The following WNT2 variants were observed in gnomAD, a reference collection of about 807,000 sequenced individuals.
WNT2 encodes protein Wnt-2.
A neutral mutation model predicts 36.9 loss-of-function variants in WNT2; 12 were observed. That is an observed-to-expected ratio of 0.33 (90% CI 0.21 to 0.53). The LOEUF (loss-of-function observed/expected upper bound fraction) is 0.53. Among genes scored for constraint, WNT2 ranks in the 20% least tolerant of loss-of-function variants. The pLI is 0.95. For missense variants in WNT2, 379 were observed against 473.1 expected (o/e 0.80, Z 1.84); for synonymous variants, 163 against 174.6 (o/e 0.93, Z 0.52).
rs1265725977 is a variant in WNT2, at chr7:117,284,517, G to A, written c.854-6133C>T. Among the ~76,000 whole-genome samples, 1 of 152,176 alleles carries A rather than the reference G, an allele frequency of 6.6e-6. No individual in the cohort carries two copies. The highest frequency in any genetic ancestry group is 6.5e-5 in the Admixed American group (1 of 15,280). On this transcript the variant is annotated intron_variant, in intron 4 of 4. Transcript: ENST00000265441. The surrounding 1 kb of genome is among the most constrained non-coding windows in gnomAD (Gnocchi z 5.2). ...ACTCACCCTTGCTTGGGCCACAACA[G>A]GAACCACTGGGGAGACAAACCCAGC...
chr7:117,281,696 T>C (rs1466496415), intron 4 of WNT2, among the ~76,000 whole-genome samples: 1 of 151,788 alleles, frequency 6.6e-6, no homozygotes, highest in Non-Finnish European at 1.5e-5. Context: ...AGACAAGAGA[T>C]ATTGCGTGAA....
chr7:117,323,035 G>A lies in WNT2; in HGVS notation c.-46C>T. 1.3e-6 allele frequency: 2 copies of A among 1,539,930 alleles called. No homozygotes were observed. Among genetic ancestry groups the A allele is most frequent in the Non-Finnish European group, 8.8e-7 (1 of 1,136,386 alleles). On this transcript the variant is annotated 5_prime_UTR_variant, in exon 1 of 5. Transcript: ENST00000265441. ...ATCAGGTCAGACTCCGTGTGCGGGC[G>A]CCATGCGTGCCCAGAGCAGAAGCGC...
Position 117,278,189 on chromosome 7 carries a change from G to A in WNT2, c.1049C>T (p.Ala350Val). 1 of 1,614,210 alleles carries A rather than the reference G, an allele frequency of 6.2e-7. No individual in the cohort carries two copies. Residue 350 changes from alanine to valine, a missense_variant, in exon 5 of 5, where the codon GCC (alanine) becomes GTC (valine). Transcript: ENST00000265441. ...LEALDVHTCK[A>V]PKNADWTTAT ...GGTTGTCCAGTCAGCGTTCTTGGGG[G>A]CCTTGCATGTGTGCACATCCAGAGC...
At chr7:117,279,786 A>T (rs1794448063) in intron 4 of WNT2, among the ~76,000 whole-genome samples, 1 of 152,150 alleles carries the variant, frequency 6.6e-6, no homozygotes, top group African/African-American at 2.4e-5. Flanking sequence ...CACCTAATTG[A>T]TAAACCTAGA....
At chr7:117,321,897 C>A (rs1562833394) in intron 1 of WNT2, among the ~76,000 whole-genome samples, 1 of 152,220 alleles carries the variant, frequency 6.6e-6, no homozygotes, top group South Asian at 2.1e-4. Context: ...TTCCCATCAG[C>A]GCATTGCCTT....
chr7:117,290,096 T>A (rs1363643348), intron 4 of WNT2, among the ~76,000 whole-genome samples: 2 of 152,072 alleles, frequency 1.3e-5, no homozygotes, highest in Non-Finnish European at 2.9e-5. Context: ...TTGTATGAAA[T>A]CTGGGTGAAG....
chr7:117,310,780 A>G (rs1795107090), intron 3 of WNT2, among the ~76,000 whole-genome samples: 1 of 152,044 alleles, frequency 6.6e-6, no homozygotes, highest in South Asian at 2.1e-4. Context: ...AGTGCTTTCC[A>G]TATCTCAACC....
At chr7:117,283,265 A>G (rs1458837733) in intron 4 of WNT2, among the ~76,000 whole-genome samples, 1 of 152,142 alleles carries the variant, frequency 6.6e-6, no homozygotes, top group Non-Finnish European at 1.5e-5. Flanking sequence ...GGGTGTGAAA[A>G]GTGCTCTCAC....
At chr7:117,289,253 T>A (rs1212431868) in intron 4 of WNT2, among the ~76,000 whole-genome samples, 1 of 151,768 alleles carries the variant, frequency 6.6e-6, no homozygotes, top group African/African-American at 2.4e-5. Flanking sequence ...AGAGACGGGG[T>A]TTCCCCGTGT....
rs1229636679 is a variant in WNT2 at position 117,278,233 on chromosome 7, G to A, written c.1005C>T (p.Arg335=). Residue 335 remains arginine (R), a synonymous_variant, in exon 5 of 5, where the codon CGC becomes CGT. Coordinates refer to ENST00000265441, the MANE Select transcript of WNT2 (RefSeq NM_003391.3). ...CCAGAGCTTCCAGGCAGTCCTGACA[G>A]CGCACGGCGCAGCACCAGTGGAACT... ...GCKFHWCCAV[R]CQDCLEALDV... 1 of 1,614,244 alleles carries A rather than the reference G, an allele frequency of 6.2e-7. No homozygotes were observed. The highest frequency in any genetic ancestry group is 1.3e-5 in the African/African-American group (1 of 75,068).
intron 4 of WNT2, among the ~76,000 whole-genome samples, chr7:117,283,984 G>A (rs954689873): frequency 1.3e-5 from 2 of 152,096 alleles, no homozygotes; most frequent in African/African-American, 4.8e-5. Context: ...ACCAAGGAAT[G>A]GGCCAACTGG....
intron 2 of WNT2, among the ~76,000 whole-genome samples, chr7:117,318,001 C>T (rs1162872863): frequency 6.6e-6 from 1 of 152,098 alleles, no homozygotes; most frequent in African/African-American, 2.4e-5. Context: ...CTAGTTCTGT[C>T]CTTGTTTCTC....
At chr7:117,294,035 A>C (rs1324929469) in intron 4 of WNT2, among the ~76,000 whole-genome samples, 2 of 152,182 alleles carry the variant, frequency 1.3e-5, no homozygotes, top group Admixed American at 6.5e-5. Context: ...TTCTAGTAGA[A>C]AGTGGCCAGG....
Position 117,320,743 on chromosome 7 carries a change from G to GGCATATTATC in WNT2, c.133_134insGATAATATGC (p.Pro45ArgfsTer2). 1 of 1,613,692 alleles carries GGCATATTATC rather than the reference G, an allele frequency of 6.2e-7. No homozygotes were observed. Among genetic ancestry groups the GGCATATTATC allele is most frequent in the Non-Finnish European group, 8.5e-7 (1 of 1,179,968 alleles). On this transcript the variant is annotated stop_gained and frameshift_variant, in exon 2 of 5. Coordinates refer to ENST00000265441, the MANE Select transcript of WNT2 (RefSeq NM_003391.3). LOFTEE classifies it high-confidence loss of function. ...CTGCCGCTGGCTGCTCACCAGGCCT[G>GGCATATTATC]GCACATTATCGCACATCACCCTGGA... is the stretch of plus-strand genomic sequence containing the variant.
intron 3 of WNT2, among the ~76,000 whole-genome samples, chr7:117,314,039 C>A (rs1425444640): frequency 6.6e-6 from 1 of 152,162 alleles, no homozygotes; most frequent in Non-Finnish European, 1.5e-5. Flanking sequence ...TAAAGCCCCC[C>A]CAGGGACCTT....
At chr7:117,315,619 G>A (rs1348628198) in intron 2 of WNT2, among the ~76,000 whole-genome samples, 1 of 152,196 alleles carries the variant, frequency 6.6e-6, no homozygotes, top group Non-Finnish European at 1.5e-5. Context: ...GCCTTGCCCA[G>A]CTCCTGGCTT....
chr7:117,285,442 T>C (rs936247220), intron 4 of WNT2, among the ~76,000 whole-genome samples: 1 of 152,346 alleles, frequency 6.6e-6, no homozygotes, highest in African/African-American at 2.4e-5. Flanking sequence ...ATAGCATCAA[T>C]TTGTATCTCA....
chr7:117,289,560 T>C (rs1160317520), intron 4 of WNT2, among the ~76,000 whole-genome samples: 3 of 152,206 alleles, frequency 2.0e-5, no homozygotes. Flanking sequence ...GGAACCAAGT[T>C]ATCTTTAAGC....
At chr7:117,314,985 A>T (rs183040767) in intron 3 of WNT2, 86 bp downstream of exon 3, 8 of 1,541,192 alleles carry the variant, frequency 5.2e-6, no homozygotes, top group Non-Finnish European at 7.0e-6. Flanking sequence ...CATTTTATCA[A>T]TTCTAGGGAA....
Sources: allele counts gnomAD v4.1 joint callset (sites outside exome capture counted in the v4.1 genomes callset), GRCh38; gene constraint gnomAD v4.1.1; non-coding constraint Gnocchi (gnomAD v3.1); transcripts MANE v1.5; gene names NCBI Gene and HGNC (gene_info 2026-07-23, HGNC 2026-07-21).